The following RIMS2 variants were observed in gnomAD, a reference collection of about 807,000 sequenced individuals.
RIMS2 encodes the protein regulating synaptic membrane exocytosis protein 2.
A neutral mutation model predicts 174.4 loss-of-function variants in RIMS2; 59 were observed. The observed-to-expected ratio is 0.34, with a 90% CI of 0.27 to 0.42. The LOEUF is 0.42. RIMS2 is among the 10% of genes least tolerant of loss of function. The pLI, the probability that RIMS2 is intolerant of heterozygous loss-of-function variation, is 1.00. For missense variants in RIMS2, 1,620 were observed against 1,666.3 expected (o/e 0.97, Z 0.48); for synonymous variants, 606 against 572.5 (o/e 1.06, Z -0.84).
At chr8:104,113,316 T>C (rs1196397142) in intron 19 of RIMS2, among the ~76,000 whole-genome samples, 2 of 152,164 alleles carry the variant, frequency 1.3e-5, no homozygotes, top group African/African-American at 2.4e-5. Flanking sequence ...TCACTAATAG[T>C]TGATTGTCCA....
intron 19 of RIMS2, among the ~76,000 whole-genome samples, chr8:104,019,269 AT>A (rs2096018922): frequency 6.6e-6 from 1 of 152,200 alleles, no homozygotes; most frequent in Non-Finnish European, 1.5e-5. Context: ...AATTTTCACT[AT>A]TTTTATTTGA....
At chr8:103,851,142 T>C (rs895020589) in intron 3 of RIMS2, among the ~76,000 whole-genome samples, 28 of 151,948 alleles carry the variant, frequency 1.8e-4, no homozygotes, top group Non-Finnish European at 4.4e-5. Context: ...TAAACTTTTC[T>C]TCATGAAGTA....
At chr8:104,101,994 C>T (rs887928404) in intron 19 of RIMS2, among the ~76,000 whole-genome samples, 8 of 151,688 alleles carry the variant, frequency 5.3e-5, no homozygotes, top group Non-Finnish European at 4.4e-5. Flanking sequence ...TCCAGGATCC[C>T]ATCCTGGGCC....
chr8:103,667,624 A>G (rs774041849), intron 1 of RIMS2, among the ~76,000 whole-genome samples: 4 of 152,204 alleles, frequency 2.6e-5, no homozygotes, highest in Non-Finnish European at 5.9e-5. Flanking sequence ...CCCACAAATA[A>G]AAGTATACTT....
intron 19 of RIMS2, among the ~76,000 whole-genome samples, chr8:104,103,460 C>T (rs1220760572): frequency 6.6e-6 from 1 of 152,106 alleles, no homozygotes; most frequent in African/African-American, 2.4e-5. Context: ...GTCTATGTTG[C>T]TTCTTCTATA....
Position 103,920,717 on chromosome 8 carries a change from T to C in RIMS2, c.2084-955T>C, listed in dbSNP as rs374709291. On this transcript the variant is annotated intron_variant, in intron 9 of 23. Transcript: ENST00000504942. ...AAATATAGGTCTTCCTGGCCTAGCG[T>C]GGTGGCTCACGCGTGTAATCCCAGC... 1.4e-3 allele frequency: 661 copies of C among 456,920 alleles called. 3 individuals carry two copies. Among genetic ancestry groups the C allele is most frequent in the African/African-American group, 0.012 (589 of 50,076 alleles). The allele number at this position is 456,920 out of a possible 1,614,324, so 28.3% of individuals were successfully genotyped here.
At chr8:103,582,789 A>C (rs537239830) in intron 1 of RIMS2, among the ~76,000 whole-genome samples, 1 of 152,138 alleles carries the variant, frequency 6.6e-6, no homozygotes, top group Admixed American at 6.5e-5. Context: ...CACCAGGTAG[A>C]CTTCTAAGGT....
At chr8:103,943,898 T>G (rs1372628642) in intron 14 of RIMS2, among the ~76,000 whole-genome samples, 1 of 152,144 alleles carries the variant, frequency 6.6e-6, no homozygotes, top group Non-Finnish European at 1.5e-5. Flanking sequence ...GCCATGTCAT[T>G]TATTAATCAT....
intron 19 of RIMS2, among the ~76,000 whole-genome samples, chr8:104,087,483 A>C (rs564071439): frequency 6.6e-6 from 1 of 152,230 alleles, no homozygotes; most frequent in East Asian, 1.9e-4. Flanking sequence ...CATTCGAAGC[A>C]GTGCTTCTCT....
At chr8:103,811,526 C>A (rs989287676) in intron 3 of RIMS2, among the ~76,000 whole-genome samples, 45 of 152,118 alleles carry the variant, frequency 3.0e-4, no homozygotes, top group Non-Finnish European at 6.5e-4. Flanking sequence ...CTCACTGCAA[C>A]CTCTGCCTCC....
Position 103,918,647 on chromosome 8 carries a change from CTG to C in RIMS2, c.2083+163_2083+164del, listed in dbSNP as rs1376637804. 6.8e-6 allele frequency: 4 copies of C among 590,504 alleles called. No homozygotes were observed. The African/African-American group carries it at 7.5e-5, about 11-fold the overall frequency. 36.6% of individuals were successfully genotyped at this position (590,504 alleles called of 1,614,324 possible). On this transcript the variant is annotated intron_variant, in intron 9 of 23. Transcript: ENST00000504942. ...GAAAATTTAGTATTATTTCATGTCACTGTGGGAAAAACAAAAATGTAGAATAT... is the reference window on the plus strand; with the variant it reads ...GAAAATTTAGTATTATTTCATGTCACTGGGAAAAACAAAAATGTAGAATAT...
intron 3 of RIMS2, among the ~76,000 whole-genome samples, chr8:103,839,260 TCTTG>T (rs2098924967): frequency 6.6e-6 from 1 of 152,240 alleles, no homozygotes; most frequent in African/African-American, 2.4e-5. Flanking sequence ...GGATTCATTT[TCTTG>T]CTTCTTTGGA....
At chr8:104,120,599 A>T (rs915483929) in intron 19 of RIMS2, among the ~76,000 whole-genome samples, 2 of 152,178 alleles carry the variant, frequency 1.3e-5, no homozygotes, top group Non-Finnish European at 2.9e-5. Flanking sequence ...ATTTTTATTC[A>T]TTATTTTGGT....
chr8:104,225,887 G>A (rs1235642688), intron 19 of RIMS2, among the ~76,000 whole-genome samples: 1 of 152,114 alleles, frequency 6.6e-6, no homozygotes, highest in Non-Finnish European at 1.5e-5. Context: ...TTACAGCCAC[G>A]AGTAGAAATC....
chr8:103,504,764 A>C (rs1822460864), intron 1 of RIMS2, among the ~76,000 whole-genome samples: 2 of 151,792 alleles, frequency 1.3e-5, no homozygotes, highest in South Asian at 4.1e-4. Flanking sequence ...AAAATAATTC[A>C]ATTTTAAAAG....
intron 19 of RIMS2, among the ~76,000 whole-genome samples, chr8:104,164,576 A>C (rs976958006): frequency 6.6e-6 from 1 of 152,240 alleles, no homozygotes; most frequent in African/African-American, 2.4e-5. Flanking sequence ...GATAGACTGG[A>C]TAAAGAAAAT....
chr8:104,025,035 G>A (rs924123888), intron 19 of RIMS2, among the ~76,000 whole-genome samples: 5 of 152,168 alleles, frequency 3.3e-5, no homozygotes, highest in South Asian at 4.1e-4. Flanking sequence ...AAAATCAAGT[G>A]TAGGAAAAAG....
intron 19 of RIMS2, among the ~76,000 whole-genome samples, chr8:104,230,294 A>T (rs1476820612): frequency 2.0e-5 from 3 of 148,196 alleles, no homozygotes; most frequent in East Asian, 3.9e-4. Flanking sequence ...AAAAAAAAAA[A>T]ATAGGTTTTG....
chr8:103,747,917 A>C (rs1803155291), intron 2 of RIMS2, among the ~76,000 whole-genome samples: 1 of 152,166 alleles, frequency 6.6e-6, no homozygotes, highest in South Asian at 2.1e-4. Flanking sequence ...GTTGTGATAT[A>C]GTTTATCTTA....
Sources: allele counts gnomAD v4.1 joint callset (sites outside exome capture counted in the v4.1 genomes callset), GRCh38; gene constraint gnomAD v4.1.1; transcripts MANE v1.5; gene names NCBI Gene and HGNC (gene_info 2026-07-23, HGNC 2026-07-21).